PACSIN2: variants seen among roughly 807,000 people sequenced by gnomAD.
PACSIN2 encodes protein kinase C and casein kinase substrate in neurons protein 2.
PACSIN2 carries 25 observed loss-of-function variants against 63.8 expected under a neutral mutation model. The observed-to-expected ratio is 0.39, with a 90% CI of 0.29 to 0.55. The LOEUF is 0.55. Ranked by LOEUF, PACSIN2 falls within the 20% of genes least tolerant of loss-of-function variation. The pLI, the probability that PACSIN2 is intolerant of heterozygous loss-of-function variation, is 0.62. For synonymous variants in PACSIN2, 255 were observed against 256.2 expected (o/e 1.00, Z 0.05); for missense variants, 518 against 646.9 (o/e 0.80, Z 2.16).
chr22:42,974,062 C>T (rs1488021591), intron 1 of PACSIN2, among the ~76,000 whole-genome samples: 1 of 152,194 alleles, frequency 6.6e-6, no homozygotes, highest in Admixed American at 6.5e-5. Context: ...CAGCATCTCC[C>T]ACCTCACATG....
intron 1 of PACSIN2, among the ~76,000 whole-genome samples, chr22:42,927,250 CTT>C (rs11431933): frequency 6.8e-6 from 1 of 147,290 alleles, no homozygotes. Context: ...CTTCCAGTTA[CTT>C]TTTTTTTTTT....
intron 5 of PACSIN2, among the ~76,000 whole-genome samples, chr22:42,888,151 G>GA (rs1929628981): frequency 6.6e-6 from 1 of 151,774 alleles, no homozygotes; most frequent in Non-Finnish European, 1.5e-5. Context: ...AGGCCTTCCT[G>GA]AGTGGCTCCT....
chr22:42,948,123 C>T (rs140377765), intron 1 of PACSIN2, among the ~76,000 whole-genome samples: 1 of 152,170 alleles, frequency 6.6e-6, no homozygotes, highest in Non-Finnish European at 1.5e-5. Flanking sequence ...GGTAGAGGAA[C>T]CTGTGTGACA....
intron 1 of PACSIN2, among the ~76,000 whole-genome samples, chr22:42,977,744 G>A (rs903243388): frequency 2.0e-5 from 3 of 152,030 alleles, no homozygotes; most frequent in Admixed American, 1.3e-4. Context: ...GTGTGTTCTC[G>A]GAGATCTGAA....
intron 1 of PACSIN2, among the ~76,000 whole-genome samples, chr22:42,987,479 CACACACACACACACCCAT>C (rs1294578077): frequency 0.028 from 3,425 of 123,190 alleles, 53 homozygotes; most frequent in Non-Finnish European, 0.033. Context: ...CACACACACA[CACACACACACACACCCAT>C]GGCACCATGT....
chr22:42,963,194 T>C (rs1332872114), intron 1 of PACSIN2, among the ~76,000 whole-genome samples: 1 of 152,106 alleles, frequency 6.6e-6, no homozygotes, highest in Non-Finnish European at 1.5e-5. Flanking sequence ...GCAGCCAAGG[T>C]CCCTGCCCCG....
At chr22:42,887,023 C>T (rs370426951) in intron 5 of PACSIN2, among the ~76,000 whole-genome samples, 1 of 152,230 alleles carries the variant, frequency 6.6e-6, no homozygotes, top group Non-Finnish European at 1.5e-5. Flanking sequence ...CCTCTAGGCA[C>T]CTTTTTGGGC....
chr22:42,952,207 T>C (rs1191375953), intron 1 of PACSIN2, among the ~76,000 whole-genome samples: 1 of 152,216 alleles, frequency 6.6e-6, no homozygotes, highest in Non-Finnish European at 1.5e-5. Context: ...AGGCACATAA[T>C]AAACACAACT....
intron 1 of PACSIN2, among the ~76,000 whole-genome samples, chr22:42,962,805 A>G (rs1309930701): frequency 2.0e-5 from 3 of 151,496 alleles, no homozygotes; most frequent in Non-Finnish European, 4.4e-5. Flanking sequence ...GAAAAAGAAA[A>G]CTGACTTTGA....
chr22:42,955,519 C>T (rs1933880067), intron 1 of PACSIN2, among the ~76,000 whole-genome samples: 1 of 152,024 alleles, frequency 6.6e-6, no homozygotes, highest in South Asian at 2.1e-4. Context: ...GTACAGTTTA[C>T]ATAGCCTCAC....
intron 1 of PACSIN2, among the ~76,000 whole-genome samples, chr22:42,939,311 A>G (rs1933044264): frequency 6.6e-6 from 1 of 152,194 alleles, no homozygotes; most frequent in African/African-American, 2.4e-5. Context: ...CACTTCCCCA[A>G]CCTAAATACT....
intron 1 of PACSIN2, among the ~76,000 whole-genome samples, chr22:42,956,133 G>A (rs1287160451): frequency 6.6e-6 from 1 of 152,194 alleles, no homozygotes; most frequent in African/African-American, 2.4e-5. Context: ...AAACATGACT[G>A]AGTATGAAAT....
intron 2 of PACSIN2, among the ~76,000 whole-genome samples, chr22:42,894,724 G>A (rs1750244464): frequency 1.3e-5 from 2 of 152,204 alleles, no homozygotes; most frequent in Non-Finnish European, 2.9e-5. Context: ...AAACGAAAAT[G>A]TTCGATATGT....
chr22:43,007,819 G>C (rs943212235), intron 1 of PACSIN2, among the ~76,000 whole-genome samples: 2 of 152,156 alleles, frequency 1.3e-5, no homozygotes, highest in Non-Finnish European at 2.9e-5. Context: ...GCAGAGCCAG[G>C]GGCACCAGGC....
At chr22:42,882,737 C>T (rs560822945) in intron 6 of PACSIN2, among the ~76,000 whole-genome samples, 4 of 152,300 alleles carry the variant, frequency 2.6e-5, no homozygotes, top group Non-Finnish European at 4.4e-5. Context: ...GAAGATGACC[C>T]GGTGCTGAAC....
intron 1 of PACSIN2, among the ~76,000 whole-genome samples, chr22:42,956,756 G>A (rs746081151): frequency 2.6e-5 from 4 of 151,986 alleles, no homozygotes; most frequent in East Asian, 1.9e-4. Context: ...CAGCCCCAGG[G>A]GGCTGCCGTT....
At chr22:42,876,384 G>A (rs1439209592) in intron 9 of PACSIN2, 51 bp from the exon 10 acceptor site, 1 of 1,520,798 alleles carries the variant, frequency 6.6e-7, no homozygotes, top group East Asian at 2.3e-5. Flanking sequence ...GGCAGAGGGT[G>A]TGAGGCCCCC....
At chr22:42,913,526 C>T (rs1177621615) in intron 1 of PACSIN2, among the ~76,000 whole-genome samples, 1 of 146,834 alleles carries the variant, frequency 6.8e-6, no homozygotes, top group Non-Finnish European at 1.5e-5. Flanking sequence ...ATGGAACCTA[C>T]AACACAGAAT....
chr22:42,974,463 G>T (rs1921541760), intron 1 of PACSIN2, among the ~76,000 whole-genome samples: 1 of 152,180 alleles, frequency 6.6e-6, no homozygotes, highest in African/African-American at 2.4e-5. Context: ...CAGTAGAGGA[G>T]AGTGCTCTTC....
Sources: allele counts gnomAD v4.1 joint callset (sites outside exome capture counted in the v4.1 genomes callset), GRCh38; gene constraint gnomAD v4.1.1; transcripts MANE v1.5; gene names NCBI Gene and HGNC (gene_info 2026-07-23, HGNC 2026-07-21).